ZMAT4: variants seen among roughly 807,000 people sequenced by gnomAD.
ZMAT4 encodes the protein zinc finger matrin-type 4, also known as zinc finger matrin-type protein 4.
A neutral mutation model predicts 28.7 loss-of-function variants in ZMAT4; 17 were observed. The observed-to-expected ratio is 0.59, with a 90% CI of 0.41 to 0.89. ZMAT4 has a LOEUF of 0.89. ZMAT4 is among the 40% of genes least tolerant of loss of function. The probability of loss-of-function intolerance (pLI) is 0.00; values close to 1 mark genes in which losing one functional copy is unlikely to be tolerated. For synonymous variants in ZMAT4, 117 were observed against 109.2 expected (o/e 1.07, Z -0.44); for missense variants, 240 against 283.8 (o/e 0.85, Z 1.11).
At chr8:40,739,026 C>G (rs542888075) in intron 3 of ZMAT4, among the ~76,000 whole-genome samples, 64 of 152,250 alleles carry the variant, frequency 4.2e-4, no homozygotes, top group African/African-American at 1.5e-3. Context: ...CACTGGTTGT[C>G]AAGAAATTGC....
intron 1 of ZMAT4, among the ~76,000 whole-genome samples, chr8:40,885,281 A>C (rs1818414779): frequency 1.3e-5 from 2 of 151,874 alleles, no homozygotes; most frequent in African/African-American, 4.8e-5. Flanking sequence ...TCATCCTCGA[A>C]CCCTCTAGTC....
chr8:40,829,133 T>C (rs2150615862), intron 1 of ZMAT4, among the ~76,000 whole-genome samples: 1 of 152,284 alleles, frequency 6.6e-6, no homozygotes, highest in Non-Finnish European at 1.5e-5. Context: ...TATTGTGCTG[T>C]GCCATGAGGC....
chr8:40,579,123 T>C (rs764374964), intron 6 of ZMAT4, among the ~76,000 whole-genome samples: 1 of 152,160 alleles, frequency 6.6e-6, no homozygotes, highest in Non-Finnish European at 1.5e-5. Flanking sequence ...TGAAAATACC[T>C]AGCACAGATT....
chr8:40,702,387 T>C (rs1218049738), intron 3 of ZMAT4, among the ~76,000 whole-genome samples: 1 of 152,240 alleles, frequency 6.6e-6, no homozygotes. Context: ...CTTTAAAATA[T>C]GAGTTTCAAA....
At chr8:40,708,014 G>T (rs1411606225) in intron 3 of ZMAT4, among the ~76,000 whole-genome samples, 1 of 152,014 alleles carries the variant, frequency 6.6e-6, no homozygotes, top group African/African-American at 2.4e-5. Context: ...AATAAAAATA[G>T]AACTAGAAAG....
At chr8:40,892,429 C>T (rs565062572) in intron 1 of ZMAT4, among the ~76,000 whole-genome samples, 1 of 152,300 alleles carries the variant, frequency 6.6e-6, no homozygotes, top group South Asian at 2.1e-4. Context: ...TCAGCCAGAA[C>T]TAAAGAGTCA....
At chr8:40,581,099 G>T in intron 6 of ZMAT4, 66 bp downstream of exon 6, 1 of 1,281,700 alleles carries the variant, frequency 7.8e-7, no homozygotes. Context: ...GAAATGTTGA[G>T]CCTTTAGTCA....
At chr8:40,597,220 A>G (rs200662530) in intron 5 of ZMAT4, among the ~76,000 whole-genome samples, 64 of 152,344 alleles carry the variant, frequency 4.2e-4, no homozygotes, top group African/African-American at 1.5e-3. Flanking sequence ...TATACACTCA[A>G]TACGAAAGGT....
intron 1 of ZMAT4, among the ~76,000 whole-genome samples, chr8:40,843,699 A>T: frequency 6.6e-6 from 1 of 152,208 alleles, no homozygotes; most frequent in East Asian, 1.9e-4. Flanking sequence ...TAGGATCTCA[A>T]GGAGACTCAA....
At chr8:40,693,816 G>T (rs1407965871) in intron 4 of ZMAT4, among the ~76,000 whole-genome samples, 1 of 152,226 alleles carries the variant, frequency 6.6e-6, no homozygotes, top group Non-Finnish European at 1.5e-5. Flanking sequence ...AACTCATTCT[G>T]CAGGAGACCC....
At chr8:40,643,667 C>A (rs988503921) in intron 5 of ZMAT4, among the ~76,000 whole-genome samples, 10 of 151,750 alleles carry the variant, frequency 6.6e-5, no homozygotes, top group Admixed American at 5.3e-4. Context: ...AGAGAGGAAG[C>A]GAGCCCAGCC....
intron 6 of ZMAT4, among the ~76,000 whole-genome samples, chr8:40,558,986 C>G (rs1219246110): frequency 1.3e-5 from 2 of 152,120 alleles, no homozygotes; most frequent in South Asian, 2.1e-4. Flanking sequence ...AAGGGTTAAG[C>G]CTCGCACCCC....
chr8:40,586,112 C>T (rs2118561761), intron 5 of ZMAT4, among the ~76,000 whole-genome samples: 1 of 152,270 alleles, frequency 6.6e-6, no homozygotes, highest in Non-Finnish European at 1.5e-5. Flanking sequence ...TAAACAAGAA[C>T]AAAGACAGAG....
At chr8:40,699,110 A>C (rs1810019317) in intron 3 of ZMAT4, among the ~76,000 whole-genome samples, 1 of 152,146 alleles carries the variant, frequency 6.6e-6, no homozygotes, top group African/African-American at 2.4e-5. Flanking sequence ...GGCTCCCCTG[A>C]GCTACCTACC....
intron 2 of ZMAT4, among the ~76,000 whole-genome samples, chr8:40,819,393 T>A (rs1373184635): frequency 6.6e-6 from 1 of 152,118 alleles, no homozygotes; most frequent in Non-Finnish European, 1.5e-5. Flanking sequence ...TATTAATACA[T>A]CATCCCTTCT....
At chr8:40,742,749 GCACACACA>G (rs10533331) in intron 3 of ZMAT4, among the ~76,000 whole-genome samples, 7 of 5,574 alleles carry the variant, frequency 1.3e-3, no homozygotes, top group African/African-American at 1.7e-3. Flanking sequence ...GTGCACGCAT[GCACACACA>G]CACACACACA....
At chr8:40,651,614 C>A (rs1193070290) in intron 5 of ZMAT4, among the ~76,000 whole-genome samples, 1 of 145,862 alleles carries the variant, frequency 6.9e-6, no homozygotes, top group Non-Finnish European at 1.5e-5. Flanking sequence ...GAGCCCGCAT[C>A]GCCAAGTCAA....
In ZMAT4 at chr8:40,809,393, G is replaced by A. The variant is rs111430464; in HGVS notation, c.102+16182C>T. ...TCTATGCTCACTACCTGGGTGATGG[G>A]ATCCATACCCTGGACCACAGTATCA... is the stretch of plus-strand genomic sequence containing the variant. On this transcript the variant is annotated intron_variant, in intron 2 of 6. Transcript: ENST00000297737. Among the ~76,000 whole-genome samples, 1,396 of 152,170 alleles carry A rather than the reference G, an allele frequency of 9.2e-3. 24 individuals are homozygous for A. Among genetic ancestry groups the A allele is most frequent in the African/African-American group, 0.032 (1,347 of 41,520 alleles).
intron 6 of ZMAT4, among the ~76,000 whole-genome samples, chr8:40,567,711 A>G (rs552819371): frequency 8.8e-4 from 132 of 150,780 alleles, no homozygotes; most frequent in African/African-American, 3.1e-3. Flanking sequence ...AAAAAAAAAA[A>G]AAAGAAAGAA....
Sources: allele counts gnomAD v4.1 joint callset (sites outside exome capture counted in the v4.1 genomes callset), GRCh38; gene constraint gnomAD v4.1.1; transcripts MANE v1.5; gene names NCBI Gene and HGNC (gene_info 2026-07-23, HGNC 2026-07-21).